Variants in LONRF1 observed in about 807,000 individuals in gnomAD.
LONRF1 encodes the protein LON peptidase N-terminal domain and ring finger 1.
LONRF1 carries 37 observed loss-of-function variants against 85.8 expected under a neutral mutation model. The ratio of observed to expected loss-of-function variants is 0.43; its 90% CI spans 0.33 to 0.57. The LOEUF (loss-of-function observed/expected upper bound fraction) is 0.57, where lower values mean the gene tolerates loss of function less well. Among genes scored for constraint, LONRF1 ranks in the 20% least tolerant of loss-of-function variants. LONRF1 has a pLI of 0.04. For missense variants in LONRF1, 1,036 were observed against 978.0 expected, an observed-to-expected ratio of 1.06 and a Z score of -0.79; for synonymous variants, 517 against 390.1, an observed-to-expected ratio of 1.33 and a Z score of -3.83.
chr8:12,733,529 C>T (rs1012967982), intron 7 of LONRF1, among the ~76,000 whole-genome samples: 1 of 152,110 alleles, frequency 6.6e-6, no homozygotes, highest in African/African-American at 2.4e-5. Flanking sequence ...GTTTTTCTTC[C>T]ATTGTCACCC....
At chr8:12,729,382 C>T (rs745489643) in intron 8 of LONRF1, 50 bp from the exon 9 acceptor site, 1 of 1,561,050 alleles carries the variant, frequency 6.4e-7, no homozygotes, top group African/African-American at 1.4e-5. Context: ...AAAAATATTA[C>T]CGAACACATA....
At chr8:12,742,760 A>G (rs1454753395) in intron 2 of LONRF1, among the ~76,000 whole-genome samples, 1 of 151,542 alleles carries the variant, frequency 6.6e-6, no homozygotes, top group East Asian at 1.9e-4. Context: ...TTTTTGAGAC[A>G]GGGTCTGACA....
chr8:12,748,703 T>C (rs1397874916), intron 1 of LONRF1, among the ~76,000 whole-genome samples: 1 of 152,200 alleles, frequency 6.6e-6, no homozygotes, highest in Non-Finnish European at 1.5e-5. Flanking sequence ...TTGGGCTGTG[T>C]ATAAAGTTCT....
In LONRF1 at chr8:12,754,875, C is replaced by A. The variant is rs1362154931; in HGVS notation, c.546G>T (p.Leu182=). 2 of 1,494,156 alleles carry A rather than the reference C, an allele frequency of 1.3e-6. No homozygotes were observed. Among genetic ancestry groups the A allele is most frequent in the African/African-American group, 1.5e-5 (1 of 68,450 alleles). The allele number at this position is 1,494,156 out of a possible 1,614,324, so 92.6% of individuals were successfully genotyped here. ...AEGTAPRPPP[L]AAAIAASDFR... is the part of the protein sequence containing the mutation. ...AGTCTGAAGCGGCGATGGCGGCGGC[C>A]AGAGGCGGCGGCCGCGGGGCGGTCC... Residue 182 remains leucine, a synonymous_variant, in exon 1 of 12, where the codon CTG becomes CTT. Coordinates refer to ENST00000398246, the MANE Select transcript of LONRF1 (RefSeq NM_152271.5).
intron 3 of LONRF1, among the ~76,000 whole-genome samples, chr8:12,739,314 C>G (rs1345922818): frequency 7.8e-6 from 1 of 128,284 alleles, no homozygotes; most frequent in Non-Finnish European, 1.7e-5. Flanking sequence ...TAAAAAATGA[C>G]TAGATGTATC....
chr8:12,739,494 A>T (rs770085647), intron 3 of LONRF1, among the ~76,000 whole-genome samples: 6 of 152,148 alleles, frequency 3.9e-5, no homozygotes, highest in Non-Finnish European at 7.4e-5. Context: ...GATTTACTGG[A>T]AAGGAGATGA....
chr8:12,755,272 A>T lies in LONRF1; in HGVS notation c.149T>A (p.Leu50Gln). The part of the protein sequence containing the change: ...RAAAESERWE[L>Q]LLRRGELLAL... ...CAGCAGCTCCCCGCGGCGGAGCAGC[A>T]GCTCCCAGCGCTCCGACTCCGCGGC... The change falls in exon 1 of 12, where the codon CTG becomes CAG. Residue 50 changes from leucine to glutamine, a missense_variant. By Grantham distance (113) the Leu-to-Gln change is moderately radical (BLOSUM62 -2). Coordinates refer to ENST00000398246, the MANE Select transcript of LONRF1 (RefSeq NM_152271.5). The T allele has an allele frequency of 1.6e-6, 2 of 1,237,080 alleles. No homozygotes were observed. The highest frequency in any genetic ancestry group is 2.0e-6 in the Non-Finnish European group (2 of 991,712). The allele number at this position is 1,237,080 out of a possible 1,614,324, so 76.6% of individuals were successfully genotyped here. A position where few individuals can be genotyped will look rare whatever the true frequency, so the allele number is the denominator to read the frequency against.
At chr8:12,746,000 C>T (rs1799137639) in intron 1 of LONRF1, among the ~76,000 whole-genome samples, 1 of 152,164 alleles carries the variant, frequency 6.6e-6, no homozygotes, top group South Asian at 2.1e-4. Flanking sequence ...TTTCTAAACT[C>T]AGCATTCTTC....
intron 8 of LONRF1, among the ~76,000 whole-genome samples, chr8:12,730,677 C>T (rs1426601590): frequency 6.6e-6 from 1 of 152,152 alleles, no homozygotes; most frequent in African/African-American, 2.4e-5. Flanking sequence ...CAGCACTGAT[C>T]AGAAAGGTTC....
chr8:12,727,094 G>A (rs1325588351), intron 10 of LONRF1: 2 of 139,560 alleles, frequency 1.4e-5, no homozygotes, highest in South Asian at 2.4e-4. Flanking sequence ...ATAGGAGCAA[G>A]AAACAAACTT....
At chr8:12,729,356 T>C (rs751993647) in intron 8 of LONRF1, 24 bp from the exon 9 acceptor site, 1 of 1,607,564 alleles carries the variant, frequency 6.2e-7, no homozygotes, top group Non-Finnish European at 8.5e-7. Context: ...AGTTTAATTA[T>C]TAGAATTCAT....
chr8:12,745,513 A>C (rs186068264), intron 1 of LONRF1, among the ~76,000 whole-genome samples: 5 of 152,304 alleles, frequency 3.3e-5, no homozygotes, highest in African/African-American at 9.6e-5. Context: ...CAAAATGGCT[A>C]TCAGTCCTGA....
chr8:12,740,807 C>CTT (rs878915211), intron 3 of LONRF1, 67 bp downstream of exon 3: 7 of 1,383,392 alleles, frequency 5.1e-6, no homozygotes, highest in African/African-American at 1.5e-5. Flanking sequence ...CTTTTATTAG[C>CTT]TTTTTTTTTT....
Position 12,737,004 on chromosome 8 carries a change from A to T in LONRF1, c.1250T>A (p.Leu417Gln). The change falls in exon 5 of 12, where the codon CTG becomes CAG. Residue 417 changes from leucine (L) to glutamine (Q), a missense_variant. Coordinates refer to ENST00000398246, the MANE Select transcript of LONRF1 (RefSeq NM_152271.5). ...CAGAACACCTTTTTCTTGAACTGAC[A>T]GAACAGGTTCTGAGGACACTCTTTT... Reference protein sequence around the residue: ...CLKRVSSEPVLSVQEKGVLLK... With the variant: ...CLKRVSSEPVQSVQEKGVLLK... 1 of 1,613,686 alleles carries T rather than the reference A, an allele frequency of 6.2e-7. No individual in the cohort carries two copies. Among genetic ancestry groups the T allele is most frequent in the Non-Finnish European group, 8.5e-7 (1 of 1,179,728 alleles).
At chr8:12,738,188 G>C in intron 3 of LONRF1, 44 bp from the exon 4 acceptor site, 1 of 1,282,050 alleles carries the variant, frequency 7.8e-7, no homozygotes. Flanking sequence ...TAAAATATTT[G>C]GTTAAGGATA....
chr8:12,754,639 C>A, intron 1 of LONRF1, 61 bp downstream of exon 1: 2 of 1,258,196 alleles, frequency 1.6e-6, no homozygotes, highest in South Asian at 3.1e-5. Flanking sequence ...CTCCGGGTCC[C>A]CGGCCCTCGG....
intron 2 of LONRF1, among the ~76,000 whole-genome samples, chr8:12,742,953 T>G (rs921425666): frequency 1.3e-5 from 2 of 152,164 alleles, no homozygotes; most frequent in African/African-American, 4.8e-5. Flanking sequence ...CTCAAACTCC[T>G]GGGCTCAAGC....
chr8:12,727,272 A>AAGC lies in LONRF1; in HGVS notation c.2011-1394_2011-1393insGCT, dbSNP rs556046694. 86 of 145,978 alleles carry AAGC rather than the reference A, an allele frequency of 5.9e-4. No individual in the cohort carries two copies. The East Asian group carries it at 0.014, about 25-fold the overall frequency. 9.0% of individuals were successfully genotyped at this position (145,978 alleles called of 1,614,324 possible). A position where few individuals can be genotyped will look rare whatever the true frequency, so the allele number is the denominator to read the frequency against. ...AAAAAGCAGGCAGAGACGCTTTTAAAGTCTCTGCCTGCTTTTTGGCCAGCT... is the reference window on the plus strand; with the variant it reads ...AAAAAGCAGGCAGAGACGCTTTTAAAAGCGTCTCTGCCTGCTTTTTGGCCAGCT... On this transcript the variant is annotated intron_variant, in intron 10 of 11. Coordinates refer to ENST00000398246, the MANE Select transcript of LONRF1 (RefSeq NM_152271.5).
Position 12,723,079 on chromosome 8 carries a change from G to A in LONRF1, c.*17C>T. 1 of 1,598,210 alleles carries A rather than the reference G, an allele frequency of 6.3e-7. No individual in the cohort carries two copies. The highest frequency in any genetic ancestry group is 8.5e-7 in the Non-Finnish European group (1 of 1,171,666). On this transcript the variant is annotated 3_prime_UTR_variant, in exon 12 of 12. Coordinates refer to ENST00000398246, the MANE Select transcript of LONRF1 (RefSeq NM_152271.5). ...AGCCAGATTAGGGTCACTTTAAAGGGAGATCCAAAGAGTTAGTTACTTAGA... is the reference window on the plus strand; with the variant it reads ...AGCCAGATTAGGGTCACTTTAAAGGAAGATCCAAAGAGTTAGTTACTTAGA...
Sources: allele counts gnomAD v4.1 joint callset (sites outside exome capture counted in the v4.1 genomes callset), GRCh38; gene constraint gnomAD v4.1.1; transcripts MANE v1.5; gene names NCBI Gene and HGNC (gene_info 2026-07-23, HGNC 2026-07-21).